The following SLC26A7 variants were observed in gnomAD, a reference collection of about 807,000 sequenced individuals.
SLC26A7 encodes the protein anion exchange transporter.
Under a neutral mutation model 82.5 loss-of-function variants are expected in SLC26A7, and 59 were observed. The observed-to-expected ratio is 0.72, with a 90% CI of 0.58 to 0.89. The LOEUF (loss-of-function observed/expected upper bound fraction) is 0.89, where lower values mean the gene tolerates loss of function less well. Among genes scored for constraint, SLC26A7 ranks in the 40% least tolerant of loss-of-function variants. The pLI is 0.00. For synonymous variants in SLC26A7, 271 were observed against 274.3 expected (o/e 0.99, Z 0.12); for missense variants, 820 against 793.0 (o/e 1.03, Z -0.41).
In SLC26A7 at chr8:91,363,535, C is replaced by G. The variant is rs766642601; in HGVS notation, c.1485C>G (p.Asp495Glu). 1 of 1,483,536 alleles carries G rather than the reference C, an allele frequency of 6.7e-7. No individual in the cohort carries two copies. Among genetic ancestry groups the G allele is most frequent in the East Asian group, 2.4e-5 (1 of 41,746 alleles). The allele number at this position is 1,483,536 out of a possible 1,614,324, so 91.9% of individuals were successfully genotyped here. Reference protein sequence around the residue: ...EMEFKVKTEMDSETLQQVKII... With the variant: ...EMEFKVKTEMESETLQQVKII... ...AATTTAAAGTGAAGACAGAAATGGACAGTGTAAGTTTAGTTTTATTTTTCC... is the reference window on the plus strand; with the variant it reads ...AATTTAAAGTGAAGACAGAAATGGAGAGTGTAAGTTTAGTTTTATTTTTCC... The change falls in exon 13 of 19, where the codon GAC becomes GAG. Residue 495 changes from aspartate (D) to glutamate (E), a missense_variant. Physicochemically the swap from Asp to Glu is conservative, Grantham distance 45. Coordinates refer to ENST00000276609, the MANE Select transcript of SLC26A7 (RefSeq NM_052832.4).
At chr8:91,280,389 C>T (rs1476059875) in intron 2 of SLC26A7, among the ~76,000 whole-genome samples, 1 of 152,192 alleles carries the variant, frequency 6.6e-6, no homozygotes, top group East Asian at 1.9e-4. Flanking sequence ...ACAAACTCAA[C>T]TTTTCTTGAT....
At chr8:91,219,587 G>T (rs1397904345) in intron 2 of SLC26A7, among the ~76,000 whole-genome samples, 2 of 152,106 alleles carry the variant, frequency 1.3e-5, no homozygotes, top group African/African-American at 4.8e-5. Context: ...AATGAGAATT[G>T]TGCTCATTTT....
At chr8:91,364,033 G>T (rs1814124121) in intron 13 of SLC26A7, among the ~76,000 whole-genome samples, 1 of 147,816 alleles carries the variant, frequency 6.8e-6, no homozygotes, top group African/African-American at 2.5e-5. Flanking sequence ...CAATAGAATT[G>T]GTTTCTTACA....
At chr8:91,248,325 A>G (rs1335937044), upstream of SLC26A7, among the ~76,000 whole-genome samples, 1 of 152,158 alleles carries the variant, frequency 6.6e-6, no homozygotes, top group Non-Finnish European at 1.5e-5. Context: ...GATGGAGAGC[A>G]ACTCTTCACT....
chr8:91,313,458 G>GT (rs1812543035), intron 4 of SLC26A7, among the ~76,000 whole-genome samples: 1 of 152,070 alleles, frequency 6.6e-6, no homozygotes, highest in South Asian at 2.1e-4. Flanking sequence ...TCACATAGAG[G>GT]TTTTTTTCTC....
At chr8:91,351,982 C>T (rs1173244644) in intron 10 of SLC26A7, 95 bp downstream of exon 10, 1 of 949,504 alleles carries the variant, frequency 1.1e-6, no homozygotes, top group African/African-American at 1.6e-5. Context: ...CTCAACAATC[C>T]TAAATGTAGA....
At chr8:91,233,689 C>A (rs1810346689) in intron 2 of SLC26A7, among the ~76,000 whole-genome samples, 1 of 152,178 alleles carries the variant, frequency 6.6e-6, no homozygotes, top group Admixed American at 6.5e-5. Context: ...AAGGTAAAGG[C>A]CCCAAGCAAC....
chr8:91,326,331 T>C (rs1812930631), intron 5 of SLC26A7, among the ~76,000 whole-genome samples: 1 of 152,104 alleles, frequency 6.6e-6, no homozygotes, highest in South Asian at 2.1e-4. Flanking sequence ...TTCTCCCAGT[T>C]CTGGAGGCTG....
At chr8:91,321,481 G>A (rs533187112) in intron 5 of SLC26A7, among the ~76,000 whole-genome samples, 4 of 152,190 alleles carry the variant, frequency 2.6e-5, no homozygotes, top group Non-Finnish European at 5.9e-5. Flanking sequence ...CTTCCCGAGT[G>A]TGAAACATTA....
At chr8:91,304,930 C>T (rs1318281123) in intron 4 of SLC26A7, among the ~76,000 whole-genome samples, 2 of 152,174 alleles carry the variant, frequency 1.3e-5, no homozygotes, top group Non-Finnish European at 2.9e-5. Flanking sequence ...AGGTTCAGCT[C>T]AAACATAATC....
chr8:91,227,926 G>A (rs764328289), intron 2 of SLC26A7, among the ~76,000 whole-genome samples: 1 of 152,180 alleles, frequency 6.6e-6, no homozygotes, highest in Non-Finnish European at 1.5e-5. Context: ...TAAGTGGCTG[G>A]AAGTCACTTG....
chr8:91,363,469 C>T lies in SLC26A7; in HGVS notation c.1422-3C>T, dbSNP rs377663242. ...TTTTATTTTCTATCTGCTTTAATTT[C>T]AGAGCAATGACTGTAAGTATAAAAA... is the stretch of plus-strand genomic sequence containing the variant. On this transcript the variant is annotated splice_polypyrimidine_tract_variant and splice_region_variant and intron_variant, in intron 12 of 18. Transcript: ENST00000276609. 23 of 1,487,190 alleles carry T rather than the reference C, an allele frequency of 1.5e-5. No individual in the cohort carries two copies. In the African/African-American group the frequency reaches 2.5e-4, roughly 16 times the overall value. The allele number at this position is 1,487,190 out of a possible 1,614,324, so 92.1% of individuals were successfully genotyped here.
chr8:91,374,087 C>T (rs781225117), intron 15 of SLC26A7, among the ~76,000 whole-genome samples: 1 of 151,816 alleles, frequency 6.6e-6, no homozygotes, highest in Non-Finnish European at 1.5e-5. Context: ...TTTACCATTT[C>T]TCATTGTGCT....
intron 1 of SLC26A7, among the ~76,000 whole-genome samples, chr8:91,218,500 A>G (rs932999254): frequency 6.6e-6 from 1 of 152,208 alleles, no homozygotes; most frequent in Non-Finnish European, 1.5e-5. Context: ...CTGGGCAGGT[A>G]AAACCAAGAT....
intron 9 of SLC26A7, among the ~76,000 whole-genome samples, chr8:91,345,210 G>A (rs1399501014): frequency 6.6e-6 from 1 of 151,976 alleles, no homozygotes; most frequent in Non-Finnish European, 1.5e-5. Context: ...CTGACTCCCA[G>A]TGTTGGGATT....
intron 2 of SLC26A7, among the ~76,000 whole-genome samples, chr8:91,273,625 A>G (rs374764913): frequency 6.6e-6 from 1 of 152,184 alleles, no homozygotes; most frequent in East Asian, 1.9e-4. Flanking sequence ...ATAAGAATAT[A>G]ACACTGGAAA....
chr8:91,379,124 G>T (rs4734026), intron 15 of SLC26A7, among the ~76,000 whole-genome samples: 2 of 151,888 alleles, frequency 1.3e-5, no homozygotes, highest in Non-Finnish European at 2.9e-5. Flanking sequence ...CAGGATGAAG[G>T]TGTACAACTT....
At chr8:91,262,906 T>C (rs1456871661) in intron 2 of SLC26A7, among the ~76,000 whole-genome samples, 1 of 152,050 alleles carries the variant, frequency 6.6e-6, no homozygotes, top group Non-Finnish European at 1.5e-5. Context: ...TATTTCAGCA[T>C]TTAATAAGTA....
rs1401489647 is a variant in SLC26A7, at chr8:91,295,610, A to G, written c.384A>G (p.Thr128=). Residue 128 remains threonine (T), a synonymous_variant, in exon 4 of 19, where the codon ACA becomes ACG. Transcript: ENST00000276609. The part of the protein sequence containing the change: ...IVPQNMQNLT[T]QSNTSVLGLS... ...CTCAGAACATGCAGAATCTCACCACACAGAGTAACACAAGCGTGCTGGGCT... is the reference window on the plus strand; with the variant it reads ...CTCAGAACATGCAGAATCTCACCACGCAGAGTAACACAAGCGTGCTGGGCT... 1 of 1,614,124 alleles carries G rather than the reference A, an allele frequency of 6.2e-7. No homozygotes were observed. Among genetic ancestry groups the G allele is most frequent in the Non-Finnish European group, 8.5e-7 (1 of 1,179,988 alleles).
Sources: allele counts gnomAD v4.1 joint callset (sites outside exome capture counted in the v4.1 genomes callset), GRCh38; gene constraint gnomAD v4.1.1; transcripts MANE v1.5; gene names NCBI Gene and HGNC (gene_info 2026-07-23, HGNC 2026-07-21).